SUPT3H: variants seen among roughly 807,000 people sequenced by gnomAD.
The protein encoded by SUPT3H is transcription initiation protein SPT3 homolog.
In SUPT3H, 44 loss-of-function variants were observed where a neutral mutation model predicts 44.3. That is an observed-to-expected ratio of 0.99 (90% CI 0.78 to 1.28). The LOEUF is 1.28. SUPT3H is among the 50% of genes most tolerant of loss of function. The pLI, the probability that SUPT3H is intolerant of heterozygous loss-of-function variation, is 0.00. For missense variants in SUPT3H, 380 were observed against 387.1 expected (o/e 0.98, Z 0.15); for synonymous variants, 124 against 125.6 (o/e 0.99, Z 0.09).
chr6:45,132,456 G>A (rs1803620138), intron 2 of SUPT3H, among the ~76,000 whole-genome samples: 1 of 152,080 alleles, frequency 6.6e-6, no homozygotes, highest in Non-Finnish European at 1.5e-5. Flanking sequence ...CAAAATAAAT[G>A]ACAGGATAGA....
intron 9 of SUPT3H, among the ~76,000 whole-genome samples, chr6:44,950,359 T>C (rs1034569688): frequency 2.0e-5 from 3 of 152,128 alleles, no homozygotes; most frequent in Non-Finnish European, 4.4e-5. Flanking sequence ...CAAATAAAAA[T>C]CTCAAAATCA....
intron 2 of SUPT3H, among the ~76,000 whole-genome samples, chr6:45,181,869 T>TAATAAATAAATA (rs200711022): frequency 1.0e-4 from 15 of 147,584 alleles, no homozygotes; most frequent in African/African-American, 3.7e-4. Context: ...AGTATAATAA[T>TAATAAATAAATA]AATAAATAAA....
chr6:44,818,615 C>T (rs918183681), intron 11 of SUPT3H, among the ~76,000 whole-genome samples: 1 of 152,050 alleles, frequency 6.6e-6, no homozygotes, highest in Non-Finnish European at 1.5e-5. Context: ...AAGAGACAAA[C>T]AACCATGTTT....
chr6:44,974,406 G>A (rs941153371), intron 6 of SUPT3H, among the ~76,000 whole-genome samples: 1 of 151,990 alleles, frequency 6.6e-6, no homozygotes, highest in Non-Finnish European at 1.5e-5. Flanking sequence ...TTTGATAGAG[G>A]TGAGGGAAGA....
At chr6:45,276,303 T>TA (rs964112112) in intron 2 of SUPT3H, among the ~76,000 whole-genome samples, 7 of 152,100 alleles carry the variant, frequency 4.6e-5, no homozygotes, top group Admixed American at 2.0e-4. Flanking sequence ...AAAATTAATG[T>TA]AAAAAACTAC....
At chr6:45,102,203 A>C (rs1182666799) in intron 3 of SUPT3H, among the ~76,000 whole-genome samples, 1 of 152,234 alleles carries the variant, frequency 6.6e-6, no homozygotes, top group African/African-American at 2.4e-5. Context: ...ACAGTATTCT[A>C]CAGTAAGGGA....
chr6:45,149,393 G>C (rs1806565967), intron 2 of SUPT3H, among the ~76,000 whole-genome samples: 1 of 152,126 alleles, frequency 6.6e-6, no homozygotes, highest in South Asian at 2.1e-4. Flanking sequence ...TTAAATTCAG[G>C]TTCCACTATG....
At chr6:44,840,976 A>C (rs1162177451) in intron 10 of SUPT3H, among the ~76,000 whole-genome samples, 1 of 152,176 alleles carries the variant, frequency 6.6e-6, no homozygotes, top group Non-Finnish European at 1.5e-5. Flanking sequence ...TGGAGAAGAG[A>C]AATTTGAGAG....
intron 10 of SUPT3H, among the ~76,000 whole-genome samples, chr6:44,906,878 A>G (rs536620334): frequency 6.6e-6 from 1 of 152,318 alleles, no homozygotes; most frequent in South Asian, 2.1e-4. Context: ...TCTCAAATGC[A>G]TTAGTACTTT....
intron 2 of SUPT3H, among the ~76,000 whole-genome samples, chr6:45,316,366 G>T (rs1046475325): frequency 6.6e-6 from 1 of 151,482 alleles, no homozygotes; most frequent in Non-Finnish European, 1.5e-5. Context: ...ATGAATCAGG[G>T]GGATGTCTAT....
intron 2 of SUPT3H, among the ~76,000 whole-genome samples, chr6:45,238,090 C>T (rs530613858): frequency 1.3e-5 from 2 of 152,258 alleles, no homozygotes; most frequent in Admixed American, 6.5e-5. Flanking sequence ...AACAGTCCAA[C>T]AATTTGCCAG....
chr6:45,101,197 A>C (rs1798522582), intron 3 of SUPT3H, among the ~76,000 whole-genome samples: 2 of 152,240 alleles, frequency 1.3e-5, no homozygotes, highest in African/African-American at 4.8e-5. Flanking sequence ...AGGCCAAGGC[A>C]GACAAATCAC....
intron 2 of SUPT3H, among the ~76,000 whole-genome samples, chr6:45,203,226 AAC>A (rs750676427): frequency 1.3e-5 from 2 of 152,204 alleles, no homozygotes; most frequent in African/African-American, 2.4e-5. Flanking sequence ...CAACATGCAA[AAC>A]AACCGAAATA....
chr6:45,301,893 T>C (rs139946056), intron 2 of SUPT3H, among the ~76,000 whole-genome samples: 205 of 152,306 alleles, frequency 1.3e-3, no homozygotes, highest in Middle Eastern at 3.4e-3. Flanking sequence ...TTAAAGTTTA[T>C]GGCAAGTCAC....
At chr6:44,911,221 T>C (rs554815) in intron 10 of SUPT3H, among the ~76,000 whole-genome samples, 1 of 151,282 alleles carries the variant, frequency 6.6e-6, no homozygotes, top group Non-Finnish European at 1.5e-5. Flanking sequence ...TCTCTTTTAG[T>C]GCATCTTCTT....
At chr6:44,894,596 C>T (rs1763829395) in intron 10 of SUPT3H, among the ~76,000 whole-genome samples, 1 of 152,094 alleles carries the variant, frequency 6.6e-6, no homozygotes, top group Non-Finnish European at 1.5e-5. Context: ...TGTTTTGGTA[C>T]CAGTACCATG....
At chr6:44,892,861 A>C (rs910341673) in intron 10 of SUPT3H, among the ~76,000 whole-genome samples, 8 of 152,194 alleles carry the variant, frequency 5.3e-5, no homozygotes, top group African/African-American at 1.9e-4. Context: ...AAGTGTTAGC[A>C]GCCAAAATTA....
chr6:44,926,282 T>C (rs1261961849), intron 10 of SUPT3H, among the ~76,000 whole-genome samples: 2 of 152,106 alleles, frequency 1.3e-5, no homozygotes, highest in Non-Finnish European at 1.5e-5. Context: ...TCTCAGGTTA[T>C]ACAATTTTTT....
Position 44,843,032 on chromosome 6 carries a change from C to T in SUPT3H, c.913-13175G>A, listed in dbSNP as rs1396738010. On this transcript the variant is annotated intron_variant, in intron 10 of 10. Transcript: ENST00000371459. ...TGAAGGGAGACTGGATAAAAAATAT[C>T]CAATATTTCTAGAAATTTTAGAAAT... Among the ~76,000 whole-genome samples, 5 of 151,808 alleles carry T rather than the reference C, an allele frequency of 3.3e-5. No homozygotes were observed. In the East Asian group the frequency reaches 9.7e-4, roughly 29 times the overall value.
Sources: gnomAD v4.1 joint callset for allele counts (sites outside exome capture counted in the v4.1 genomes callset) on GRCh38, gnomAD v4.1.1 for gene constraint, MANE v1.5 for transcripts, NCBI Gene and HGNC (gene_info 2026-07-23, HGNC 2026-07-21) for gene names.